Variants in RFX3 observed in about 807,000 individuals in gnomAD.
The protein encoded by RFX3 is regulatory factor X3.
In RFX3, 14 loss-of-function variants were observed where a neutral mutation model predicts 98.6. The ratio of observed to expected loss-of-function variants is 0.14; its 90% CI spans 0.09 to 0.22. RFX3 has a LOEUF of 0.22. Ranked by LOEUF, RFX3 falls within the 10% of genes least tolerant of loss-of-function variation. RFX3 has a pLI of 1.00. For missense variants in RFX3, 639 were observed against 926.9 expected (o/e 0.69, Z 4.03); for synonymous variants, 383 against 328.4 (o/e 1.17, Z -1.80).
chr9:3,339,526 T>G (rs192102758), intron 3 of RFX3, among the ~76,000 whole-genome samples: 76 of 152,298 alleles, frequency 5.0e-4, no homozygotes, highest in African/African-American at 1.8e-3. Flanking sequence ...TTTTTCCCTG[T>G]GTACTTAAAG....
chr9:3,312,997 G>A (rs1563908923), intron 4 of RFX3, among the ~76,000 whole-genome samples: 1 of 152,230 alleles, frequency 6.6e-6, no homozygotes, highest in South Asian at 2.1e-4. Context: ...GTCCCTGTCT[G>A]ACAGCTTTGA....
Position 3,287,418 on chromosome 9 carries a change from A to C in RFX3, c.851+713T>G, listed in dbSNP as rs528917438. Reference sequence around the variant, plus strand: ...TTTGTTTACTCTAAATTGTGACATAAGTCACATGGGACTAGAAGGCCCTTA... The same window carrying C: ...TTTGTTTACTCTAAATTGTGACATACGTCACATGGGACTAGAAGGCCCTTA... On this transcript the variant is annotated intron_variant, in intron 7 of 16. Coordinates refer to ENST00000617270, the MANE Select transcript of RFX3 (RefSeq NM_001282116.2). Among the ~76,000 whole-genome samples, 9 of 152,092 alleles carry C rather than the reference A, an allele frequency of 5.9e-5. No homozygotes were observed. In the East Asian group the frequency reaches 1.7e-3, roughly 29 times the overall value.
At chr9:3,384,074 T>C (rs958882449) in intron 2 of RFX3, among the ~76,000 whole-genome samples, 1 of 152,120 alleles carries the variant, frequency 6.6e-6, no homozygotes, top group Non-Finnish European at 1.5e-5. Context: ...GAAAAGATGA[T>C]TCTCAAACTG....
At chr9:3,285,307 G>A (rs1348681783) in intron 7 of RFX3, among the ~76,000 whole-genome samples, 2 of 151,700 alleles carry the variant, frequency 1.3e-5, no homozygotes, top group Non-Finnish European at 2.9e-5. Context: ...ACAAGAGACT[G>A]GCAGTCTCTT....
At chr9:3,250,002 CTA>C (rs991100877) in intron 14 of RFX3, among the ~76,000 whole-genome samples, 73 of 151,786 alleles carry the variant, frequency 4.8e-4, no homozygotes, top group African/African-American at 1.7e-3. Context: ...TGACAAAATT[CTA>C]TATATAACTC....
chr9:3,507,392 G>A (rs960182339), intron 1 of RFX3, among the ~76,000 whole-genome samples: 7 of 151,880 alleles, frequency 4.6e-5, no homozygotes, highest in Non-Finnish European at 7.4e-5. Flanking sequence ...ACACTCACAT[G>A]TCAGGCACAG....
intron 3 of RFX3, among the ~76,000 whole-genome samples, chr9:3,333,088 A>C (rs932148722): frequency 1.3e-5 from 2 of 152,208 alleles, no homozygotes; most frequent in Non-Finnish European, 2.9e-5. Flanking sequence ...CACTTAACAC[A>C]GTTGCTGGTA....
At chr9:3,402,997 CAT>C (rs1841618490) in intron 1 of RFX3, among the ~76,000 whole-genome samples, 2 of 151,856 alleles carry the variant, frequency 1.3e-5, no homozygotes, top group African/African-American at 4.8e-5. Context: ...ATTATTAATG[CAT>C]ATATATGTTA....
At chr9:3,412,704 A>C (rs1842560890) in intron 1 of RFX3, among the ~76,000 whole-genome samples, 1 of 152,172 alleles carries the variant, frequency 6.6e-6, no homozygotes, top group Admixed American at 6.6e-5. Flanking sequence ...TCCACTTTTT[A>C]AGCATACCAA....
intron 4 of RFX3, among the ~76,000 whole-genome samples, chr9:3,310,007 T>G (rs1829777220): frequency 1.3e-5 from 2 of 152,198 alleles, no homozygotes; most frequent in Non-Finnish European, 2.9e-5. Flanking sequence ...AGGCTTTGTG[T>G]GACCGTCTTT....
Position 3,246,121 on chromosome 9 carries a change from G to A in RFX3, c.1968+1911C>T, listed in dbSNP as rs1820632756. The stretch of plus-strand genomic sequence containing the variant: ...AATTAGTCTGAATTTGCCTTTTGGG[G>A]TAAATAATGGATGAGCATAGGCAGG... On this transcript the variant is annotated intron_variant, in intron 15 of 16. Transcript: ENST00000617270. Among the ~76,000 whole-genome samples, 3 of 152,128 alleles carry A rather than the reference G, an allele frequency of 2.0e-5. No homozygotes were observed. In the South Asian group the frequency reaches 6.2e-4, roughly 32 times the overall value.
At chr9:3,493,481 G>A (rs1850870134) in intron 1 of RFX3, among the ~76,000 whole-genome samples, 1 of 151,660 alleles carries the variant, frequency 6.6e-6, no homozygotes, top group African/African-American at 2.4e-5. Flanking sequence ...TCAGGAGATC[G>A]AGACCATTCT....
At chr9:3,305,073 A>C (rs533305913) in intron 4 of RFX3, among the ~76,000 whole-genome samples, 5 of 152,166 alleles carry the variant, frequency 3.3e-5, no homozygotes, top group African/African-American at 9.6e-5. Flanking sequence ...AAAAGATGGA[A>C]GTGTTCAGGG....
At chr9:3,305,426 G>A (rs1829168648) in intron 4 of RFX3, among the ~76,000 whole-genome samples, 2 of 151,970 alleles carry the variant, frequency 1.3e-5, no homozygotes, top group Non-Finnish European at 2.9e-5. Flanking sequence ...AAAGCAAAGT[G>A]TGCCCAATAA....
rs546035483 is a variant in RFX3, at chr9:3,279,898, G to A, written c.852-2437C>T. 2.8e-4 allele frequency among the ~76,000 whole-genome samples: 42 copies of A among 151,900 alleles called. No homozygotes were observed. The South Asian group carries it at 5.4e-3, about 19-fold the overall frequency. On this transcript the variant is annotated intron_variant, in intron 7 of 16. Coordinates refer to ENST00000617270, the MANE Select transcript of RFX3 (RefSeq NM_001282116.2). Reference sequence around the variant, plus strand: ...AATTAGAGATAAACTATATTATGTGGGAGATGAAAAATGCATCAAGATCAA... The same window carrying A: ...AATTAGAGATAAACTATATTATGTGAGAGATGAAAAATGCATCAAGATCAA...
chr9:3,320,339 G>A lies in RFX3; in HGVS notation c.474+9920C>T, dbSNP rs556850959. On this transcript the variant is annotated intron_variant, in intron 4 of 16. Coordinates refer to ENST00000617270, the MANE Select transcript of RFX3 (RefSeq NM_001282116.2). The stretch of plus-strand genomic sequence containing the variant: ...AAGCTGAGGCAGGCGGATCACTTGA[G>A]GCCAGGAGTTTGAGACCAGCCTGGC... Among the ~76,000 whole-genome samples, 3 of 152,188 alleles carry A rather than the reference G, an allele frequency of 2.0e-5. No individual in the cohort carries two copies. The South Asian group carries it at 6.2e-4, about 32-fold the overall frequency.
At chr9:3,320,383 T>C (rs1343870852) in intron 4 of RFX3, among the ~76,000 whole-genome samples, 1 of 151,898 alleles carries the variant, frequency 6.6e-6, no homozygotes, top group Non-Finnish European at 1.5e-5. Flanking sequence ...GGAAACCCCA[T>C]GTCTACCAAA....
intron 1 of RFX3, among the ~76,000 whole-genome samples, chr9:3,453,174 T>TCTGTAGA (rs774273013): frequency 6.3e-4 from 96 of 152,082 alleles, no homozygotes; most frequent in Non-Finnish European, 1.1e-3. Flanking sequence ...TAAATGGAAG[T>TCTGTAGA]CTGTAGACGA....
intron 1 of RFX3, among the ~76,000 whole-genome samples, chr9:3,458,349 G>A (rs1847379370): frequency 6.6e-6 from 1 of 152,130 alleles, no homozygotes; most frequent in Non-Finnish European, 1.5e-5. Context: ...GAGTGCTGAG[G>A]TCAAAATAAA....
Sources: gnomAD v4.1 joint callset for allele counts (sites outside exome capture counted in the v4.1 genomes callset) on GRCh38, gnomAD v4.1.1 for gene constraint, MANE v1.5 for transcripts, NCBI Gene and HGNC (gene_info 2026-07-23, HGNC 2026-07-21) for gene names.